The following GRIK2 variants were observed in gnomAD, a reference collection of about 807,000 sequenced individuals.
GRIK2 encodes the protein glutamate receptor ionotropic, kainate 2.
GRIK2 carries 32 observed loss-of-function variants against 100.3 expected under a neutral mutation model. That is an observed-to-expected ratio of 0.32 (90% CI 0.24 to 0.43). The LOEUF (loss-of-function observed/expected upper bound fraction) is 0.43. GRIK2 is among the 20% of genes least tolerant of loss of function. GRIK2 has a pLI of 1.00. For missense variants in GRIK2, 843 were observed against 1,114.9 expected, an observed-to-expected ratio of 0.76 and a Z score of 3.47; for synonymous variants, 417 against 389.4, an observed-to-expected ratio of 1.07 and a Z score of -0.83.
chr6:101,986,297 TTAAAG>T (rs1310071504), intron 14 of GRIK2, among the ~76,000 whole-genome samples: 8 of 151,928 alleles, frequency 5.3e-5, no homozygotes, highest in Admixed American at 4.6e-4. Flanking sequence ...AGATTTATTC[TTAAAG>T]TATTCTTTTA....
intron 1 of GRIK2, chr6:101,398,666 T>C (rs1775115194): frequency 5.1e-6 from 1 of 194,682 alleles, no homozygotes; most frequent in Non-Finnish European, 1.0e-5. Flanking sequence ...CAAATACTCA[T>C]GGAAAATAAA....
chr6:101,517,428 C>G (rs1487466222), intron 2 of GRIK2, among the ~76,000 whole-genome samples: 1 of 152,156 alleles, frequency 6.6e-6, no homozygotes, highest in East Asian at 1.9e-4. Flanking sequence ...GGACCGTAGA[C>G]TATAGAGACA....
intron 11 of GRIK2, among the ~76,000 whole-genome samples, chr6:101,889,171 A>G (rs1366865242): frequency 2.0e-5 from 3 of 152,138 alleles, no homozygotes; most frequent in South Asian, 2.1e-4. Context: ...ACTGTATTCT[A>G]TATTTTAAAA....
intron 2 of GRIK2, among the ~76,000 whole-genome samples, chr6:101,596,169 G>A (rs935642280): frequency 6.7e-6 from 1 of 148,734 alleles, no homozygotes. Context: ...ATTATCAGTG[G>A]TCAACTGACC....
chr6:101,649,121 C>G (rs138226062), intron 4 of GRIK2, among the ~76,000 whole-genome samples: 1 of 152,174 alleles, frequency 6.6e-6, no homozygotes, highest in Non-Finnish European at 1.5e-5. Context: ...ACTAAATGTT[C>G]TGAGTACTTA....
chr6:102,045,750 G>A (rs1412328513), intron 15 of GRIK2, among the ~76,000 whole-genome samples: 1 of 151,978 alleles, frequency 6.6e-6, no homozygotes, highest in Non-Finnish European at 1.5e-5. Flanking sequence ...TACCAAGAGA[G>A]CATATGACAA....
chr6:101,473,125 CTTCCTTCCTTCCTTCCTTCCTTCCTTCT>C (rs1240653062), intron 2 of GRIK2, among the ~76,000 whole-genome samples: 6 of 144,030 alleles, frequency 4.2e-5, no homozygotes, highest in Non-Finnish European at 6.2e-5. Context: ...TCCTTCCTTC[CTTCCTTCCTTCCTTCCTTCCTTCCTTCT>C]TTCCTTCCTT....
intron 11 of GRIK2, among the ~76,000 whole-genome samples, chr6:101,886,001 C>A (rs893226811): frequency 6.6e-6 from 1 of 151,992 alleles, no homozygotes; most frequent in Non-Finnish European, 1.5e-5. Context: ...AATGTGTATC[C>A]ACCATTATAG....
At chr6:101,842,279 C>T (rs1486171820) in intron 10 of GRIK2, among the ~76,000 whole-genome samples, 1 of 152,038 alleles carries the variant, frequency 6.6e-6, no homozygotes. Context: ...TCTCTATATC[C>T]TCTCTCAATT....
intron 7 of GRIK2, among the ~76,000 whole-genome samples, chr6:101,738,957 AG>A: frequency 6.6e-6 from 1 of 152,210 alleles, no homozygotes; most frequent in African/African-American, 2.4e-5. Flanking sequence ...AGGGTTCTAA[AG>A]CTTTCTCAAG....
chr6:101,682,625 C>CA lies in GRIK2; in HGVS notation c.777+23dup. ...CACTCTGGTAAGTACTTCATTAAAA[C>CA]AAAATGTTCTGAATTTTATTATTAT... On this transcript the variant is annotated intron_variant, in intron 6 of 16. Coordinates refer to ENST00000369134, the MANE Select transcript of GRIK2 (RefSeq NM_021956.5). 1 of 1,013,644 alleles carries CA rather than the reference C, an allele frequency of 9.9e-7. No individual in the cohort carries two copies. Among genetic ancestry groups the CA allele is most frequent in the Non-Finnish European group, 1.5e-6 (1 of 660,580 alleles). 62.8% of individuals were successfully genotyped at this position (1,013,644 alleles called of 1,614,324 possible).
chr6:101,615,314 T>A (rs1002963123), intron 2 of GRIK2, among the ~76,000 whole-genome samples: 13 of 151,762 alleles, frequency 8.6e-5, no homozygotes, highest in Non-Finnish European at 1.6e-4. Flanking sequence ...TGAGAATGAT[T>A]TTCTTAGATG....
intron 14 of GRIK2, among the ~76,000 whole-genome samples, chr6:101,997,667 T>C (rs966727158): frequency 1.3e-5 from 2 of 152,106 alleles, no homozygotes; most frequent in African/African-American, 4.8e-5. Context: ...TCAAAGTATC[T>C]GTCTGTCTAT....
chr6:101,636,570 A>G (rs78010157), intron 4 of GRIK2, among the ~76,000 whole-genome samples: 2,201 of 152,284 alleles, frequency 0.014, 60 homozygotes, highest in African/African-American at 0.05. Flanking sequence ...ATATGTTTAT[A>G]GGACTAATTC....
At chr6:101,958,264 T>TGTGTGTGTGC (rs1792068337) in intron 14 of GRIK2, among the ~76,000 whole-genome samples, 1 of 151,368 alleles carries the variant, frequency 6.6e-6, no homozygotes, top group South Asian at 2.1e-4. Context: ...TGTGTGTGTG[T>TGTGTGTGTGC]GTGTGTGTGT....
Position 101,515,298 on chromosome 6 carries a change from T to C in GRIK2, c.116-106651T>C, listed in dbSNP as rs184761088. Among the ~76,000 whole-genome samples the C allele has an allele frequency of 4.3e-3, 648 of 152,170 alleles. 9 individuals are homozygous for C. Among genetic ancestry groups the C allele is most frequent in the African/African-American group, 0.015 (621 of 41,550 alleles). ...ACACACACATACACACACCACAGTTTCTTTATCCACTGGCTGATTGATGGG... is the reference window on the plus strand; with the variant it reads ...ACACACACATACACACACCACAGTTCCTTTATCCACTGGCTGATTGATGGG... On this transcript the variant is annotated intron_variant, in intron 2 of 16. Coordinates refer to ENST00000369134, the MANE Select transcript of GRIK2 (RefSeq NM_021956.5).
intron 14 of GRIK2, among the ~76,000 whole-genome samples, chr6:101,964,191 A>G (rs1200166130): frequency 6.6e-6 from 1 of 151,148 alleles, no homozygotes; most frequent in South Asian, 2.1e-4. Flanking sequence ...CATTACACAT[A>G]TAACATCATA....
At chr6:101,766,452 G>A (rs548096379) in intron 7 of GRIK2, among the ~76,000 whole-genome samples, 1 of 152,264 alleles carries the variant, frequency 6.6e-6, no homozygotes. Flanking sequence ...ATGAGCACCT[G>A]TTGAAGTTCT....
At chr6:101,723,213 C>G (rs1583024094) in intron 7 of GRIK2, among the ~76,000 whole-genome samples, 1 of 152,022 alleles carries the variant, frequency 6.6e-6, no homozygotes, top group East Asian at 1.9e-4. Flanking sequence ...TGACTCATGT[C>G]AAAGATTTAT....
Sources: allele counts gnomAD v4.1 joint callset (sites outside exome capture counted in the v4.1 genomes callset), GRCh38; gene constraint gnomAD v4.1.1; transcripts MANE v1.5; gene names NCBI Gene and HGNC (gene_info 2026-07-23, HGNC 2026-07-21).